The following PREX1 variants were observed in gnomAD, a reference collection of about 807,000 sequenced individuals.
PREX1 encodes phosphatidylinositol-3,4,5-trisphosphate dependent Rac exchange factor 1.
Under a neutral mutation model 198.3 loss-of-function variants are expected in PREX1, and 41 were observed. The ratio of observed to expected loss-of-function variants is 0.21; its 90% CI spans 0.16 to 0.27. The LOEUF is 0.27. Ranked by LOEUF, PREX1 falls within the 10% of genes least tolerant of loss-of-function variation. The pLI is 1.00. For missense variants in PREX1, 1,620 were observed against 2,200.7 expected, an observed-to-expected ratio of 0.74 and a Z score of 5.28; for synonymous variants, 843 against 887.2, an observed-to-expected ratio of 0.95 and a Z score of 0.89.
rs375616151 is a variant in PREX1, at chr20:48,811,525, TAC to T, written c.219+16115_219+16116del. ...TCAATGACTTCTGACCAGAGTTGGATACACACACACACACACGTGTGCATGCA... is the reference window on the plus strand; with the variant it reads ...TCAATGACTTCTGACCAGAGTTGGATACACACACACACACGTGTGCATGCA... On this transcript the variant is annotated intron_variant, in intron 1 of 39. Coordinates refer to ENST00000371941, the MANE Select transcript of PREX1 (RefSeq NM_020820.4). Among the ~76,000 whole-genome samples, 71 of 150,228 alleles carry T rather than the reference TAC, an allele frequency of 4.7e-4. 1 individual carries two copies. The highest frequency in any genetic ancestry group is 1.6e-3 in the African/African-American group (66 of 40,914).
chr20:48,767,599 C>CT (rs1367311693), intron 1 of PREX1, among the ~76,000 whole-genome samples: 8 of 152,190 alleles, frequency 5.3e-5, no homozygotes, highest in Admixed American at 6.5e-5. Context: ...GTTACCATCA[C>CT]TGATGGGGTT....
intron 1 of PREX1, among the ~76,000 whole-genome samples, chr20:48,793,570 AGAGAC>A (rs2090347764): frequency 6.6e-6 from 1 of 152,248 alleles, no homozygotes; most frequent in Admixed American, 6.5e-5. Flanking sequence ...TTGAAAGTAG[AGAGAC>A]AAAGTTAGGG....
intron 4 of PREX1, among the ~76,000 whole-genome samples, chr20:48,726,800 G>A (rs2090012648): frequency 6.6e-6 from 1 of 152,170 alleles, no homozygotes; most frequent in African/African-American, 2.4e-5. Context: ...AAAATGCCTT[G>A]CTTACAACAG....
intron 5 of PREX1, among the ~76,000 whole-genome samples, chr20:48,715,685 T>G (rs1219839396): frequency 2.0e-5 from 3 of 152,224 alleles, no homozygotes; most frequent in Non-Finnish European, 2.9e-5. Context: ...ATCATCATCG[T>G]CATTATGTCT....
chr20:48,793,113 G>T (rs1051070348), intron 1 of PREX1, among the ~76,000 whole-genome samples: 1 of 152,096 alleles, frequency 6.6e-6, no homozygotes, highest in Non-Finnish European at 1.5e-5. Context: ...GCTGAGGGGG[G>T]AGAATTGCTT....
chr20:48,801,894 T>A (rs547732016), intron 1 of PREX1, among the ~76,000 whole-genome samples: 1 of 152,238 alleles, frequency 6.6e-6, no homozygotes, highest in African/African-American at 2.4e-5. Flanking sequence ...AAGAGTGGGT[T>A]GTTATAAAGC....
chr20:48,882,597 C>T, the PREX1 span, among the ~76,000 whole-genome samples: 1 of 149,374 alleles, frequency 6.7e-6, no homozygotes, highest in Non-Finnish European at 1.5e-5. Flanking sequence ...GTATATATAC[C>T]TAGGAGTAGA....
chr20:48,760,861 T>C (rs532350665), intron 1 of PREX1, among the ~76,000 whole-genome samples: 58 of 152,126 alleles, frequency 3.8e-4, no homozygotes, highest in African/African-American at 1.3e-3. Context: ...AAATACTTAC[T>C]GCACACCTAT....
At chr20:48,646,865 C>T (rs557570659) in intron 25 of PREX1, among the ~76,000 whole-genome samples, 1 of 151,978 alleles carries the variant, frequency 6.6e-6, no homozygotes, top group African/African-American at 2.4e-5. Flanking sequence ...TTTAAACTCT[C>T]GGAGACTCTG....
intron 1 of PREX1, among the ~76,000 whole-genome samples, chr20:48,792,815 A>AAAAC (rs1555845875): frequency 4.0e-5 from 3 of 75,842 alleles, no homozygotes; most frequent in Admixed American, 1.3e-4. Context: ...AAAAAAAAAA[A>AAAAC]ATACACACAC....
chr20:48,747,241 G>A (rs2090112890), intron 2 of PREX1, among the ~76,000 whole-genome samples: 1 of 152,248 alleles, frequency 6.6e-6, no homozygotes, highest in African/African-American at 2.4e-5. Flanking sequence ...CTGAAAGGCA[G>A]CTCAGAGAGT....
chr20:48,872,273 T>C, the PREX1 span, among the ~76,000 whole-genome samples: 1 of 151,878 alleles, frequency 6.6e-6, no homozygotes, highest in African/African-American at 2.4e-5. Context: ...CACCATGTTG[T>C]GGTTTTTTTT....
At chr20:48,807,042 G>A (rs900894617) in intron 1 of PREX1, among the ~76,000 whole-genome samples, 2 of 152,210 alleles carry the variant, frequency 1.3e-5, no homozygotes, top group East Asian at 3.8e-4. Flanking sequence ...GAAGATGGAG[G>A]TGAGCCATGC....
At chr20:48,663,910 G>GCACA (rs11472118) in intron 15 of PREX1, among the ~76,000 whole-genome samples, 7,660 of 150,094 alleles carry the variant, frequency 0.051, 338 homozygotes, top group South Asian at 0.13. Flanking sequence ...GTGAGTGCGC[G>GCACA]CACACACACA....
At position 48,665,648 on chromosome 20, in the gene PREX1, A is replaced by G. The variant is rs566278723; in HGVS notation, c.1738+635T>C. Among the ~76,000 whole-genome samples the G allele has an allele frequency of 4.6e-5, 7 of 152,350 alleles. No individual in the cohort carries two copies. The East Asian group carries it at 1.3e-3, about 29-fold the overall frequency. On this transcript the variant is annotated intron_variant, in intron 15 of 39. Coordinates refer to ENST00000371941, the MANE Select transcript of PREX1 (RefSeq NM_020820.4). ...AATACTCACATCAAAGGGCTGCTGT[A>G]TTAAACTAATAAATATATGTGAAGT...
intron 37 of PREX1, among the ~76,000 whole-genome samples, chr20:48,628,759 A>C (rs1419408375): frequency 6.6e-6 from 1 of 152,188 alleles, no homozygotes; most frequent in Non-Finnish European, 1.5e-5. Flanking sequence ...AACGTCAATG[A>C]CCTAGGAGGC....
chr20:48,694,140 G>A lies in PREX1; in HGVS notation c.918-1350C>T, dbSNP rs573473233. Among the ~76,000 whole-genome samples, 318 of 152,078 alleles carry A rather than the reference G, an allele frequency of 2.1e-3. 2 individuals are homozygous for A. The highest frequency in any genetic ancestry group is 7.4e-3 in the African/African-American group (306 of 41,460). On this transcript the variant is annotated intron_variant, in intron 7 of 39. Transcript: ENST00000371941. ...TTGGCCAGGCTGGTCTCGAACTCCT[G>A]ACCTCAAGTTATCCACCCCCCTCGG...
chr20:48,831,909 T>C (rs1226410741), upstream of PREX1, among the ~76,000 whole-genome samples: 3 of 152,148 alleles, frequency 2.0e-5, no homozygotes, highest in Non-Finnish European at 4.4e-5. Context: ...CATAGGCAAC[T>C]CCCTAAACCA....
chr20:48,847,927 C>T, the PREX1 span, among the ~76,000 whole-genome samples: 49,314 of 152,080 alleles, frequency 0.32, 8,258 homozygotes, highest in African/African-American at 0.39. Flanking sequence ...GATTTCTCCA[C>T]GTATCAGTAG....
Sources: allele counts gnomAD v4.1 joint callset (sites outside exome capture counted in the v4.1 genomes callset), GRCh38; gene constraint gnomAD v4.1.1; transcripts MANE v1.5; gene names NCBI Gene and HGNC (gene_info 2026-07-23, HGNC 2026-07-21).